The following NXPE4 variants were observed in gnomAD, a reference collection of about 807,000 sequenced individuals.
NXPE4 encodes neurexophilin and PC-esterase domain family member 4.
NXPE4 carries 42 observed loss-of-function variants against 33.3 expected under a neutral mutation model. The ratio of observed to expected loss-of-function variants is 1.26; its 90% CI spans 0.98 to 1.63. The LOEUF (loss-of-function observed/expected upper bound fraction) is 1.63, where lower values mean the gene tolerates loss of function less well. NXPE4 is among the 40% of genes most tolerant of loss of function. The pLI is 0.00. For synonymous variants in NXPE4, 253 were observed against 234.9 expected, an observed-to-expected ratio of 1.08 and a Z score of -0.71; for missense variants, 709 against 647.6, an observed-to-expected ratio of 1.09 and a Z score of -1.03.
the NXPE4 span, among the ~76,000 whole-genome samples, chr11:114,639,729 T>C: frequency 8.1e-6 from 1 of 123,494 alleles, no homozygotes; most frequent in Non-Finnish European, 1.6e-5. Flanking sequence ...TATAGTAATA[T>C]AATATAAAAT....
chr11:114,626,486 T>G, the NXPE4 span, among the ~76,000 whole-genome samples: 1 of 152,026 alleles, frequency 6.6e-6, no homozygotes, highest in African/African-American at 2.4e-5. Context: ...GAAGGAAAAC[T>G]AACAGAAAGG....
chr11:114,617,658 G>C, the NXPE4 span, among the ~76,000 whole-genome samples: 1 of 151,534 alleles, frequency 6.6e-6, no homozygotes. Flanking sequence ...GTTGCCTCTA[G>C]GGTAACCACT....
At chr11:114,617,445 C>T in the NXPE4 span, among the ~76,000 whole-genome samples, 14 of 151,868 alleles carry the variant, frequency 9.2e-5, no homozygotes, top group African/African-American at 3.4e-4. Flanking sequence ...AGTATTGCCT[C>T]GTGGATAACC....
At chr11:114,658,548 T>G in the NXPE4 span, among the ~76,000 whole-genome samples, 1 of 152,258 alleles carries the variant, frequency 6.6e-6, no homozygotes, top group African/African-American at 2.4e-5. Context: ...AGCTCCCTCA[T>G]GCCCTTCTTC....
upstream of NXPE4, among the ~76,000 whole-genome samples, chr11:114,598,434 C>G (rs143531523): frequency 6.6e-6 from 1 of 152,312 alleles, no homozygotes; most frequent in Non-Finnish European, 1.5e-5. Context: ...GGGCTCCAGC[C>G]CCACATTGTC....
the NXPE4 span, among the ~76,000 whole-genome samples, chr11:114,627,991 C>G: frequency 2.0e-4 from 30 of 151,792 alleles, 1 homozygote; most frequent in East Asian, 5.4e-3. Flanking sequence ...ATATATGGAC[C>G]CAACACAGGA....
the NXPE4 span, among the ~76,000 whole-genome samples, chr11:114,632,023 T>C: frequency 1.4e-5 from 2 of 147,090 alleles, no homozygotes; most frequent in African/African-American, 2.5e-5. Flanking sequence ...TAGATAATAA[T>C]TATACTTTAT....
the NXPE4 span, among the ~76,000 whole-genome samples, chr11:114,658,430 T>G: frequency 6.6e-6 from 1 of 152,152 alleles, no homozygotes; most frequent in South Asian, 2.1e-4. Context: ...CTCTTTGTTT[T>G]GGACCTCCAC....
the NXPE4 span, among the ~76,000 whole-genome samples, chr11:114,651,190 G>A: frequency 2.6e-5 from 4 of 152,138 alleles, no homozygotes; most frequent in South Asian, 2.1e-4. Context: ...GGACCCTCGC[G>A]GTTGAGTGTT....
the NXPE4 span, among the ~76,000 whole-genome samples, chr11:114,651,447 G>A: frequency 3.3e-5 from 5 of 152,178 alleles, no homozygotes; most frequent in South Asian, 2.1e-4. Flanking sequence ...AGCTCATAAA[G>A]GTAGTGTGGA....
the NXPE4 span, among the ~76,000 whole-genome samples, chr11:114,671,237 G>T: frequency 6.6e-6 from 1 of 151,446 alleles, no homozygotes; most frequent in East Asian, 1.9e-4. Flanking sequence ...TAGAGATTAT[G>T]CAGTCTAGAG....
chr11:114,677,112 T>C, the NXPE4 span, among the ~76,000 whole-genome samples: 3 of 152,016 alleles, frequency 2.0e-5, no homozygotes, highest in African/African-American at 7.2e-5. Context: ...GCTGAGGGTC[T>C]GGTCAGGGAG....
At chr11:114,664,269 A>G in the NXPE4 span, among the ~76,000 whole-genome samples, 1 of 152,192 alleles carries the variant, frequency 6.6e-6, no homozygotes, top group Non-Finnish European at 1.5e-5. Context: ...AAAGGCTTAT[A>G]TAACATTCTG....
At chr11:114,622,289 C>A in the NXPE4 span, among the ~76,000 whole-genome samples, 2 of 150,340 alleles carry the variant, frequency 1.3e-5, no homozygotes, top group Non-Finnish European at 1.5e-5. Flanking sequence ...CTGTTACCTG[C>A]TGGATAATAA....
the NXPE4 span, among the ~76,000 whole-genome samples, chr11:114,607,697 T>C: frequency 3.2e-4 from 49 of 151,928 alleles, 1 homozygote; most frequent in Non-Finnish European, 6.0e-4. Context: ...TAACCACTGT[T>C]ACTTGGTGGA....
the NXPE4 span, among the ~76,000 whole-genome samples, chr11:114,621,593 G>T: frequency 6.6e-6 from 1 of 151,916 alleles, no homozygotes; most frequent in Non-Finnish European, 1.5e-5. Flanking sequence ...GATAATAAAT[G>T]TTTCCTCTAG....
intron 2 of NXPE4, among the ~76,000 whole-genome samples, chr11:114,589,973 T>C (rs1949407845): frequency 6.6e-6 from 1 of 152,194 alleles, no homozygotes; most frequent in Admixed American, 6.5e-5. Flanking sequence ...TTTACAGTCT[T>C]AGATTTAAAG....
At chr11:114,614,421 G>T in the NXPE4 span, among the ~76,000 whole-genome samples, 2 of 151,060 alleles carry the variant, frequency 1.3e-5, no homozygotes, top group African/African-American at 4.9e-5. Flanking sequence ...TTACCCAGTG[G>T]ATAATAAGTA....
chr11:114,605,659 A>G, the NXPE4 span, among the ~76,000 whole-genome samples: 1 of 151,872 alleles, frequency 6.6e-6, no homozygotes, highest in East Asian at 1.9e-4. Flanking sequence ...GCTGGTGGAT[A>G]ATACATGTTG....
Sources: allele counts gnomAD v4.1 joint callset (sites outside exome capture counted in the v4.1 genomes callset), GRCh38; gene constraint gnomAD v4.1.1; transcripts MANE v1.5; gene names NCBI Gene and HGNC (gene_info 2026-07-23, HGNC 2026-07-21).